POTEJ: variants seen among roughly 807,000 people sequenced by gnomAD.
POTEJ encodes the protein POTE ankyrin domain family, member J.
POTEJ carries 11 observed loss-of-function variants against 69.0 expected under a neutral mutation model. The ratio of observed to expected loss-of-function variants is 0.16; its 90% CI spans 0.10 to 0.26. The LOEUF (loss-of-function observed/expected upper bound fraction) is 0.26, where lower values mean the gene tolerates loss of function less well. POTEJ is among the 10% of genes least tolerant of loss of function. The pLI is 1.00. For missense variants in POTEJ, 327 were observed against 1,045.5 expected (o/e 0.31, Z 9.48); for synonymous variants, 117 against 381.1 (o/e 0.31, Z 8.07).
chr2:130,646,483 C>T (rs1173735944), intron 13 of POTEJ, among the ~76,000 whole-genome samples, 173 bp downstream of exon 13: 3 of 132,898 alleles, frequency 2.3e-5, no homozygotes, highest in African/African-American at 6.6e-5. Context: ...TTTTTCCAGT[C>T]GTTAATTTAT....
chr2:130,649,963 C>T (rs1337831698), intron 13 of POTEJ, among the ~76,000 whole-genome samples: 2 of 152,248 alleles, frequency 1.3e-5, no homozygotes, highest in African/African-American at 4.8e-5. Flanking sequence ...TGAGGGAGAA[C>T]CATGTACCAG....
chr2:130,654,635 T>C lies in POTEJ; in HGVS notation c.1668-286T>C, dbSNP rs1311393320. Reference sequence around the variant, plus strand: ...TTGGTGAGATATAATTATTTCATTATATATTAATAATAATAGAAATAAAGT... The same window carrying C: ...TTGGTGAGATATAATTATTTCATTACATATTAATAATAATAGAAATAAAGT... On this transcript the variant is annotated intron_variant, in intron 13 of 14. Coordinates refer to ENST00000409602, the MANE Select transcript of POTEJ (RefSeq NM_001277083.2). Among the ~76,000 whole-genome samples, 4 of 146,614 alleles carry C rather than the reference T, an allele frequency of 2.7e-5. 1 individual carries two copies. The South Asian group carries it at 8.5e-4, about 31-fold the overall frequency.
intron 10 of POTEJ, among the ~76,000 whole-genome samples, chr2:130,641,197 G>A (rs994997795): frequency 6.6e-6 from 1 of 152,108 alleles, no homozygotes; most frequent in Non-Finnish European, 1.5e-5. Flanking sequence ...ATAGTTTCCT[G>A]GGATTGATGG....
chr2:130,636,104 A>T (rs1186111831), intron 9 of POTEJ, among the ~76,000 whole-genome samples: 119 of 145,926 alleles, frequency 8.2e-4, no homozygotes, highest in Middle Eastern at 6.8e-3. Flanking sequence ...AAGACTCCAG[A>T]CACACCTCTG....
At chr2:130,629,063 G>A (rs575952647) in intron 6 of POTEJ, among the ~76,000 whole-genome samples, 143 of 152,218 alleles carry the variant, frequency 9.4e-4, no homozygotes, top group South Asian at 9.4e-3. Flanking sequence ...TGTCCGAATC[G>A]TGGAGGGAAA....
In POTEJ at chr2:130,631,014, T is replaced by G. The variant is rs137914760; in HGVS notation, c.1087-395T>G. Among the ~76,000 whole-genome samples the G allele has an allele frequency of 6.5e-3, 939 of 144,184 alleles. 46 individuals are homozygous for G. The highest frequency in any genetic ancestry group is 0.018 in the Middle Eastern group (5 of 282). 94.6% of individuals were successfully genotyped at this position (144,184 alleles called of 152,430 possible). ...CTTGTTAGGGTTTCATGAGGTAAAC[T>G]CTTTTCAAGTGAGGAAGGTTTTGGA... On this transcript the variant is annotated intron_variant, in intron 7 of 14. Transcript: ENST00000409602.
intron 13 of POTEJ, among the ~76,000 whole-genome samples, chr2:130,651,721 G>C (rs1257729629): frequency 2.8e-5 from 4 of 140,514 alleles, no homozygotes; most frequent in African/African-American, 1.1e-4. Flanking sequence ...GTCATATTCT[G>C]TGTTTTTAAA....
intron 7 of POTEJ, among the ~76,000 whole-genome samples, chr2:130,630,768 T>A: frequency 6.8e-6 from 1 of 146,162 alleles, no homozygotes. Context: ...AAAATCTTTA[T>A]CCACTGTAAT....
chr2:130,629,396 A>G (rs552614728), intron 6 of POTEJ, among the ~76,000 whole-genome samples: 17 of 147,576 alleles, frequency 1.2e-4, no homozygotes, highest in Non-Finnish European at 1.9e-4. Context: ...CTTGCAAATA[A>G]TATGCATTTG....
At position 130,636,388 on chromosome 2, in the gene POTEJ, C is replaced by G. The variant is rs1235303784; in HGVS notation, c.1299-2231C>G. 5.8e-3 allele frequency among the ~76,000 whole-genome samples: 849 copies of G among 146,304 alleles called. 2 individuals are homozygous for G. Among genetic ancestry groups the G allele is most frequent in the Non-Finnish European group, 9.3e-3 (604 of 65,156 alleles). Reference sequence around the variant, plus strand: ...CAAAGTGATTTATCATCTCTAACTTCAAACCTATTTGTATCTTGACATCAA... The same window carrying G: ...CAAAGTGATTTATCATCTCTAACTTGAAACCTATTTGTATCTTGACATCAA... On this transcript the variant is annotated intron_variant, in intron 9 of 14. Transcript: ENST00000409602.
chr2:130,624,929 C>G (rs1396571294), intron 6 of POTEJ, among the ~76,000 whole-genome samples: 1 of 152,096 alleles, frequency 6.6e-6, no homozygotes, highest in Admixed American at 6.5e-5. Flanking sequence ...ACAAGATGCT[C>G]TGCTACCATT....
intron 10 of POTEJ, among the ~76,000 whole-genome samples, chr2:130,641,685 G>A (rs1469479826): frequency 6.6e-6 from 1 of 151,678 alleles, no homozygotes; most frequent in African/African-American, 2.4e-5. Context: ...AGAGCAAAGA[G>A]CAGCAGGTCA....
At chr2:130,628,814 G>A (rs1685797909) in intron 6 of POTEJ, among the ~76,000 whole-genome samples, 1 of 150,118 alleles carries the variant, frequency 6.7e-6, no homozygotes, top group East Asian at 1.9e-4. Context: ...AAGGTCAAAA[G>A]ATCAGGACCA....
chr2:130,612,584 C>A (rs1284339202), intron 1 of POTEJ, among the ~76,000 whole-genome samples: 2 of 152,168 alleles, frequency 1.3e-5, no homozygotes, highest in Admixed American at 6.5e-5. Flanking sequence ...CACGGTGAAA[C>A]CCTGTCTCTA....
At position 130,648,781 on chromosome 2, in the gene POTEJ, G is replaced by GTT. The variant is rs761289482; in HGVS notation, c.1667+2499_1667+2500dup. On this transcript the variant is annotated intron_variant, in intron 13 of 14. Transcript: ENST00000409602. ...TCAGTCCTCAATCTTCTTTCTCATA[G>GTT]TTTTTTTTTTTTTTTTTTTTTTTTT... is the stretch of plus-strand genomic sequence containing the variant. 1.1e-3 allele frequency among the ~76,000 whole-genome samples: 89 copies of GTT among 81,856 alleles called. 15 individuals are homozygous for GTT. The highest frequency in any genetic ancestry group is 2.0e-3 in the African/African-American group (37 of 18,098). 53.7% of individuals were successfully genotyped at this position (81,856 alleles called of 152,430 possible).
intron 1 of POTEJ, among the ~76,000 whole-genome samples, chr2:130,615,740 C>T (rs1477802131): frequency 4.2e-4 from 63 of 148,918 alleles, no homozygotes; most frequent in South Asian, 1.5e-3. Context: ...CCTGCACATC[C>T]GGCACATGTA....
At chr2:130,644,497 A>G (rs548563161) in intron 11 of POTEJ, among the ~76,000 whole-genome samples, 4 of 152,258 alleles carry the variant, frequency 2.6e-5, no homozygotes, top group East Asian at 1.9e-4. Flanking sequence ...ATTTTAATAG[A>G]TTCTTAAAAT....
chr2:130,643,509 C>T (rs1232794574), intron 10 of POTEJ, among the ~76,000 whole-genome samples: 1 of 138,604 alleles, frequency 7.2e-6, no homozygotes, highest in East Asian at 2.0e-4. Context: ...GAGGAAGACC[C>T]TGACTCATTA....
rs1686757283 is a variant in POTEJ at position 130,650,170 on chromosome 2, C to T, written c.1667+3860C>T. On this transcript the variant is annotated intron_variant, in intron 13 of 14. Transcript: ENST00000409602. ...TGATTTATCATCTCTAACTTCAAAC[C>T]TATTTGTGTCTTGACATCAACTCTG... Among the ~76,000 whole-genome samples, 3 of 152,272 alleles carry T rather than the reference C, an allele frequency of 2.0e-5. No homozygotes were observed. The South Asian group carries it at 6.2e-4, about 31-fold the overall frequency.
Sources: allele counts gnomAD v4.1 joint callset (sites outside exome capture counted in the v4.1 genomes callset), GRCh38; gene constraint gnomAD v4.1.1; transcripts MANE v1.5; gene names NCBI Gene and HGNC (gene_info 2026-07-23, HGNC 2026-07-21).